Variants in ZNF804B observed in about 807,000 individuals in gnomAD.
ZNF804B encodes zinc finger protein 804B, also known as zinc finger 804B.
In ZNF804B, 80 loss-of-function variants were observed where a neutral mutation model predicts 101.4. The ratio of observed to expected loss-of-function variants is 0.79; its 90% confidence interval spans 0.66 to 0.95. The LOEUF (loss-of-function observed/expected upper bound fraction) is 0.95, where lower values mean the gene tolerates loss of function less well. ZNF804B is among the 40% of genes least tolerant of loss of function. The pLI is 0.00. For missense variants in ZNF804B, 1,673 were observed against 1,561.9 expected (o/e 1.07, Z -1.20); for synonymous variants, 622 against 558.8 (o/e 1.11, Z -1.59).
At chr7:89,327,016 C>T (rs1033352925) in intron 2 of ZNF804B, among the ~76,000 whole-genome samples, 3 of 151,984 alleles carry the variant, frequency 2.0e-5, no homozygotes, top group Non-Finnish European at 4.4e-5. Flanking sequence ...TCCCTTCATA[C>T]TCATTCATAT....
intron 1 of ZNF804B, among the ~76,000 whole-genome samples, chr7:89,086,581 T>G (rs1397308333): frequency 6.6e-6 from 1 of 151,944 alleles, no homozygotes; most frequent in Non-Finnish European, 1.5e-5. Flanking sequence ...AGATAGAATA[T>G]CTGGCCTTTT....
At chr7:88,814,755 G>T (rs949424540) in intron 1 of ZNF804B, among the ~76,000 whole-genome samples, 4 of 151,974 alleles carry the variant, frequency 2.6e-5, no homozygotes, top group Non-Finnish European at 5.9e-5. Context: ...ATAATATTAA[G>T]TGTCTAATGT....
chr7:89,119,741 C>T (rs1790370817), intron 1 of ZNF804B, among the ~76,000 whole-genome samples: 1 of 152,136 alleles, frequency 6.6e-6, no homozygotes, highest in African/African-American at 2.4e-5. Context: ...TTAAATCAAG[C>T]AAGCTAATAA....
At chr7:88,817,139 A>G (rs1049480035) in intron 1 of ZNF804B, among the ~76,000 whole-genome samples, 4 of 152,126 alleles carry the variant, frequency 2.6e-5, no homozygotes, top group African/African-American at 9.7e-5. Context: ...AGGACAGAAA[A>G]CCAAGTACCG....
chr7:89,204,270 C>T (rs890199222), intron 1 of ZNF804B, among the ~76,000 whole-genome samples: 1 of 152,106 alleles, frequency 6.6e-6, no homozygotes, highest in African/African-American at 2.4e-5. Context: ...GTCTAATGCA[C>T]AATAGATATA....
chr7:88,769,840 G>A (rs1790036131), intron 1 of ZNF804B, among the ~76,000 whole-genome samples: 1 of 152,078 alleles, frequency 6.6e-6, no homozygotes, highest in Admixed American at 6.6e-5. Context: ...GGTTTTGTTA[G>A]CAATTGTCCC....
At chr7:89,127,254 A>G (rs1221652524) in intron 1 of ZNF804B, among the ~76,000 whole-genome samples, 1 of 151,958 alleles carries the variant, frequency 6.6e-6, no homozygotes. Flanking sequence ...GCTCTTTAAG[A>G]ATCTATGAAT....
In ZNF804B at chr7:89,240,460, C is replaced by T. The variant is rs559425090; in HGVS notation, c.249+22165C>T. Among the ~76,000 whole-genome samples, 240 of 151,884 alleles carry T rather than the reference C, an allele frequency of 1.6e-3. 1 individual carries two copies. The highest frequency in any genetic ancestry group is 3.0e-3 in the Non-Finnish European group (201 of 67,910). On this transcript the variant is annotated intron_variant, in intron 2 of 3. Transcript: ENST00000333190. Reference sequence around the variant, plus strand: ...TAAAATGAGCGTTTTGTACTGCTAACATAATTCTTATATATTCTAAGTGAA... The same window carrying T: ...TAAAATGAGCGTTTTGTACTGCTAATATAATTCTTATATATTCTAAGTGAA...
In ZNF804B at chr7:89,327,404, G is replaced by C; in HGVS notation, c.310G>C (p.Asp104His). Residue 104 changes from aspartate (D) to histidine (H), a missense_variant, in exon 3 of 4, where the codon GAT (aspartate) becomes CAT (histidine). Asp to His is a moderately conservative substitution (Grantham distance 81). Coordinates refer to ENST00000333190, the MANE Select transcript of ZNF804B (RefSeq NM_181646.5). ...ARNVASKSWK[D>H]EKKQEKALKR... ...AAATGTAGCTTCTAAGTCATGGAAA[G>C]ATGAGAAAAAACAAGAAAAAGCACT... The C allele has an allele frequency of 1.9e-6, 3 of 1,611,392 alleles. No individual in the cohort carries two copies. The highest frequency in any genetic ancestry group is 2.5e-6 in the Non-Finnish European group (3 of 1,178,498).
intron 1 of ZNF804B, among the ~76,000 whole-genome samples, chr7:88,989,765 A>G (rs1310684002): frequency 6.6e-6 from 1 of 152,142 alleles, no homozygotes; most frequent in Non-Finnish European, 1.5e-5. Flanking sequence ...CTAATTAATG[A>G]CATGGCATCA....
At chr7:88,819,753 T>C (rs555578792) in intron 1 of ZNF804B, among the ~76,000 whole-genome samples, 2 of 152,294 alleles carry the variant, frequency 1.3e-5, no homozygotes, top group East Asian at 1.9e-4. Context: ...AAAATACATA[T>C]ACATTTAACA....
intron 1 of ZNF804B, among the ~76,000 whole-genome samples, chr7:89,169,081 G>C (rs1791187946): frequency 6.6e-6 from 1 of 152,166 alleles, no homozygotes; most frequent in African/African-American, 2.4e-5. Flanking sequence ...CGGGCACTTA[G>C]CCTTGCAGGA....
intron 1 of ZNF804B, among the ~76,000 whole-genome samples, chr7:89,066,814 G>A (rs1369525448): frequency 1.3e-5 from 2 of 151,996 alleles, no homozygotes; most frequent in African/African-American, 2.4e-5. Context: ...CCAGGCTGGA[G>A]TGCAATGACA....
At chr7:88,874,636 A>T (rs1432770637) in intron 1 of ZNF804B, among the ~76,000 whole-genome samples, 3 of 151,954 alleles carry the variant, frequency 2.0e-5, no homozygotes, top group Admixed American at 6.6e-5. Context: ...TTATTTTGAG[A>T]TACGTCCCAT....
intron 1 of ZNF804B, among the ~76,000 whole-genome samples, chr7:89,192,930 C>T (rs1788480989): frequency 6.6e-6 from 1 of 151,954 alleles, no homozygotes; most frequent in Admixed American, 6.6e-5. Context: ...GCAGAAATGG[C>T]CTTCAAAAAA....
chr7:89,168,682 C>CTTTTTTTTTTTTTTTTTTTTTTTTTTTT (rs372503661), intron 1 of ZNF804B, among the ~76,000 whole-genome samples: 1 of 115,744 alleles, frequency 8.6e-6, no homozygotes, highest in African/African-American at 3.3e-5. Context: ...GAGCTGAATA[C>CTTTTTTTTTTTTTTTTTTTTTTTTTTTT]TTTTTTTTTT....
intron 1 of ZNF804B, among the ~76,000 whole-genome samples, chr7:88,819,999 C>G (rs1394887759): frequency 3.3e-5 from 5 of 152,136 alleles, no homozygotes; most frequent in Admixed American, 6.5e-5. Context: ...ATTGGTTGAA[C>G]TTAATGTCAT....
intron 1 of ZNF804B, among the ~76,000 whole-genome samples, chr7:88,963,161 C>T (rs540208814): frequency 8.6e-5 from 13 of 151,000 alleles, no homozygotes; most frequent in Admixed American, 7.3e-4. Context: ...TTCAGGAGTA[C>T]AAAAATAATG....
intron 1 of ZNF804B, among the ~76,000 whole-genome samples, chr7:89,197,229 A>T (rs1332065607): frequency 6.6e-6 from 1 of 151,934 alleles, no homozygotes; most frequent in Non-Finnish European, 1.5e-5. Flanking sequence ...AAGAAAAAAA[A>T]TTATCTTTAT....
Sources: gnomAD v4.1 joint callset for allele counts (sites outside exome capture counted in the v4.1 genomes callset) on GRCh38, gnomAD v4.1.1 for gene constraint, MANE v1.5 for transcripts, NCBI Gene and HGNC (gene_info 2026-07-23, HGNC 2026-07-21) for gene names.